TTC28: variants seen among roughly 807,000 people sequenced by gnomAD.
TTC28 encodes tetratricopeptide repeat protein 28.
A neutral mutation model predicts 198.0 loss-of-function variants in TTC28; 61 were observed. That is an observed-to-expected ratio of 0.31 (90% CI 0.25 to 0.38). The LOEUF (loss-of-function observed/expected upper bound fraction) is 0.38. Among genes scored for constraint, TTC28 ranks in the 10% least tolerant of loss-of-function variants. The pLI is 1.00. For missense variants in TTC28, 2,678 were observed against 3,164.0 expected (o/e 0.85, Z 3.69); for synonymous variants, 1,171 against 1,297.8 (o/e 0.90, Z 2.10).
chr22:28,555,903 T>C (rs551101895), intron 2 of TTC28, among the ~76,000 whole-genome samples: 1 of 152,334 alleles, frequency 6.6e-6, no homozygotes, highest in African/African-American at 2.4e-5. Context: ...GCTACTCTTT[T>C]ATACAGATAA....
chr22:28,001,663 G>C, intron 14 of TTC28, 110 bp from the exon 15 acceptor site: 2 of 1,293,512 alleles, frequency 1.5e-6, no homozygotes, highest in Non-Finnish European at 2.1e-6. Context: ...GAGCAGGTGA[G>C]GCCTGTGGGG....
At chr22:28,525,312 C>T (rs2048986092) in intron 2 of TTC28, among the ~76,000 whole-genome samples, 1 of 152,108 alleles carries the variant, frequency 6.6e-6, no homozygotes, top group African/African-American at 2.4e-5. Flanking sequence ...ATTACCACAT[C>T]TGGCTAACTT....
intron 6 of TTC28, among the ~76,000 whole-genome samples, chr22:28,113,005 G>A (rs1029377367): frequency 6.6e-6 from 1 of 152,220 alleles, no homozygotes; most frequent in Non-Finnish European, 1.5e-5. Flanking sequence ...AAGGGCTGTT[G>A]TGAGGGCCAA....
chr22:28,062,431 T>G (rs1484059085), intron 12 of TTC28, among the ~76,000 whole-genome samples: 1 of 131,554 alleles, frequency 7.6e-6, no homozygotes, highest in Non-Finnish European at 1.6e-5. Flanking sequence ...TTTTTTTTTT[T>G]TGGAATTATT....
At chr22:28,603,766 T>C (rs1458269688) in intron 2 of TTC28, among the ~76,000 whole-genome samples, 1 of 152,022 alleles carries the variant, frequency 6.6e-6, no homozygotes, top group African/African-American at 2.4e-5. Flanking sequence ...CTGAAAACAG[T>C]ATAATACTTC....
Position 28,001,380 on chromosome 22 carries a change from C to T in TTC28, c.4392G>A (p.Gln1464=), listed in dbSNP as rs1303889665. 1.3e-6 allele frequency: 2 copies of T among 1,549,302 alleles called. No individual in the cohort carries two copies. Among genetic ancestry groups the T allele is most frequent in the Non-Finnish European group, 1.7e-6 (2 of 1,145,406 alleles). ...CCATGTGTGTGAGCCTTACCTTGGA[C>T]TGCACGCTGAGGGAGCGGATGGAAG... ...AVPSIRSLSV[Q]SKSHLRKNPP... Residue 1464 remains glutamine (Q), a synonymous_variant, in exon 15 of 23, where the codon CAG becomes CAA. Coordinates refer to ENST00000397906, the MANE Select transcript of TTC28 (RefSeq NM_001145418.2).
At position 28,481,687 on chromosome 22, in the gene TTC28, G is replaced by A. The variant is rs888335900; in HGVS notation, c.381+147865C>T. Reference sequence around the variant, plus strand: ...AGCTTTTCTGCTTGATGAGGTAAATGAATAAATTCAAATGTTGAGATAGGA... The same window carrying A: ...AGCTTTTCTGCTTGATGAGGTAAATAAATAAATTCAAATGTTGAGATAGGA... On this transcript the variant is annotated intron_variant, in intron 2 of 22. Coordinates refer to ENST00000397906, the MANE Select transcript of TTC28 (RefSeq NM_001145418.2). Among the ~76,000 whole-genome samples, 4 of 152,256 alleles carry A rather than the reference G, an allele frequency of 2.6e-5. No individual in the cohort carries two copies. In the South Asian group the frequency reaches 6.2e-4, roughly 24 times the overall value.
chr22:28,250,700 G>C (rs111978448), intron 5 of TTC28, among the ~76,000 whole-genome samples: 2,200 of 152,328 alleles, frequency 0.014, 21 homozygotes, highest in Non-Finnish European at 0.022. Context: ...AAAAAAGTCT[G>C]TACATATTTA....
rs533765728 is a variant in TTC28 at position 28,223,590 on chromosome 22, T to C, written c.934-59991A>G. On this transcript the variant is annotated intron_variant, in intron 5 of 22. Coordinates refer to ENST00000397906, the MANE Select transcript of TTC28 (RefSeq NM_001145418.2). ...CACAGCAGTGGAACATCCTGAATGATTATAGCCTGAACTTCCCAAAGAGAT... is the reference window on the plus strand; with the variant it reads ...CACAGCAGTGGAACATCCTGAATGACTATAGCCTGAACTTCCCAAAGAGAT... 2.1e-3 allele frequency among the ~76,000 whole-genome samples: 317 copies of C among 152,260 alleles called. 2 individuals carry two copies. The highest frequency in any genetic ancestry group is 0.02 in the Middle Eastern group (6 of 294).
rs148794357 is a variant in TTC28, at chr22:28,388,702, A to C, written c.382-82059T>G. On this transcript the variant is annotated intron_variant, in intron 2 of 22. Coordinates refer to ENST00000397906, the MANE Select transcript of TTC28 (RefSeq NM_001145418.2). ...TTGTACATTGATTTTGTATCCTGAG[A>C]ATTTGCTCAAGTTGCTTATCAGCTT... Among the ~76,000 whole-genome samples, 131 of 152,268 alleles carry C rather than the reference A, an allele frequency of 8.6e-4. No homozygotes were observed. The East Asian group carries it at 0.02, about 23-fold the overall frequency.
chr22:28,340,950 A>G (rs1309923861), intron 2 of TTC28, among the ~76,000 whole-genome samples: 1 of 152,258 alleles, frequency 6.6e-6, no homozygotes, highest in East Asian at 1.9e-4. Flanking sequence ...GCCTTTTTCC[A>G]GCATTAAAGA....
At position 27,983,228 on chromosome 22, in the gene TTC28, C is replaced by T. The variant is rs909480025; in HGVS notation, c.6439G>A (p.Val2147Met). Residue 2147 changes from valine to methionine, a missense_variant, in exon 23 of 23, where the codon GTG (valine) becomes ATG (methionine). Val to Met is a conservative substitution (Grantham distance 21, BLOSUM62 1). Around this residue, in one of 8 missense-constraint regions of TTC28, gnomAD observed 622 missense variants for 656.0 expected, o/e 0.95. Coordinates refer to ENST00000397906, the MANE Select transcript of TTC28 (RefSeq NM_001145418.2). Reference protein sequence around the residue: ...DQSSTETDSTVKSQEESNPKL... With the variant: ...DQSSTETDSTMKSQEESNPKL... Reference sequence around the variant, plus strand: ...GGGTTGCTTTCTTCTTGGGATTTCACGGTACTGTCCGTTTCTGTGCTAGAC... The same window carrying T: ...GGGTTGCTTTCTTCTTGGGATTTCATGGTACTGTCCGTTTCTGTGCTAGAC... The T allele has an allele frequency of 3.1e-5, 48 of 1,551,756 alleles. No homozygotes were observed. The highest frequency in any genetic ancestry group is 2.4e-4 in the Admixed American group (12 of 50,988).
intron 2 of TTC28, among the ~76,000 whole-genome samples, chr22:28,538,611 G>A (rs5762675): frequency 1.3e-4 from 18 of 136,190 alleles, no homozygotes; most frequent in Admixed American, 9.3e-4. Context: ...CTAGGCTGAA[G>A]TGCAGTGGCA....
At chr22:28,208,625 T>C (rs1926630966) in intron 5 of TTC28, among the ~76,000 whole-genome samples, 1 of 152,248 alleles carries the variant, frequency 6.6e-6, no homozygotes. Context: ...ACTCATACAA[T>C]GATAACTTGC....
chr22:28,452,389 C>CAAAAAAAAAA (rs71194768), intron 2 of TTC28, among the ~76,000 whole-genome samples: 1 of 43,226 alleles, frequency 2.3e-5, no homozygotes, highest in Non-Finnish European at 3.9e-5. Flanking sequence ...GATTCCATCT[C>CAAAAAAAAAA]AAAAAAAAAA....
intron 2 of TTC28, among the ~76,000 whole-genome samples, chr22:28,599,589 G>A (rs1049074248): frequency 3.9e-5 from 6 of 152,090 alleles, no homozygotes; most frequent in Admixed American, 6.5e-5. Context: ...AGGAGCTCAC[G>A]ACCAGCCTGG....
chr22:28,676,125 A>C (rs528060159), intron 1 of TTC28, among the ~76,000 whole-genome samples: 195 of 152,350 alleles, frequency 1.3e-3, no homozygotes, highest in African/African-American at 4.1e-3. Flanking sequence ...CGTGCCTATC[A>C]ACAGAGGAAC....
chr22:28,526,458 A>G (rs2049005691), intron 2 of TTC28, among the ~76,000 whole-genome samples: 1 of 152,232 alleles, frequency 6.6e-6, no homozygotes, highest in Non-Finnish European at 1.5e-5. Context: ...GACAGAAAAC[A>G]GAAGTGTCAA....
At chr22:28,520,753 A>G (rs1346426789) in intron 2 of TTC28, among the ~76,000 whole-genome samples, 1 of 152,070 alleles carries the variant, frequency 6.6e-6, no homozygotes, top group African/African-American at 2.4e-5. Context: ...GTAAGACCCT[A>G]TCTAAAAAAC....
Sources: allele counts gnomAD v4.1 joint callset (sites outside exome capture counted in the v4.1 genomes callset), GRCh38; gene constraint gnomAD v4.1.1; regional missense constraint gnomAD v4.1.1; transcripts MANE v1.5; gene names NCBI Gene and HGNC (gene_info 2026-07-23, HGNC 2026-07-21).